Variants in SHLD1 observed in about 807,000 individuals in gnomAD.
SHLD1 encodes the protein RINN1-REV7-interacting novel NHEJ regulator 3.
In SHLD1, 3 loss-of-function variants were observed where a neutral mutation model predicts 5.5. That is an observed-to-expected ratio of 0.54 (90% CI 0.25 to 1.40). The LOEUF (loss-of-function observed/expected upper bound fraction) is 1.40. SHLD1 is among the 40% of genes most tolerant of loss of function. The probability of loss-of-function intolerance (pLI) is 0.15; values close to 1 mark genes in which losing one functional copy is unlikely to be tolerated. For missense variants in SHLD1, 210 were observed against 244.4 expected, an observed-to-expected ratio of 0.86 and a Z score of 0.94; for synonymous variants, 92 against 94.3, an observed-to-expected ratio of 0.98 and a Z score of 0.14.
chr20:5,780,537 G>C (rs757651336), intron 2 of SHLD1, among the ~76,000 whole-genome samples: 2 of 152,180 alleles, frequency 1.3e-5, no homozygotes, highest in Non-Finnish European at 1.5e-5. Flanking sequence ...ACCCCTGGAA[G>C]AGTAGTAGGC....
chr20:5,773,831 A>G (rs906465400), intron 2 of SHLD1, among the ~76,000 whole-genome samples: 3 of 152,092 alleles, frequency 2.0e-5, no homozygotes, highest in African/African-American at 7.2e-5. Flanking sequence ...GGTTTAGCTT[A>G]AGGTAAACCT....
chr20:5,844,388 G>C (rs6053737), intron 2 of SHLD1, among the ~76,000 whole-genome samples: 7 of 152,122 alleles, frequency 4.6e-5, no homozygotes, highest in African/African-American at 1.4e-4. Context: ...GCCACCATCA[G>C]GCTCTCTGGA....
At chr20:5,834,716 T>C (rs73596856) in intron 2 of SHLD1, among the ~76,000 whole-genome samples, 2,715 of 152,312 alleles carry the variant, frequency 0.018, 106 homozygotes, top group African/African-American at 0.062. Context: ...TTTGGGCTTC[T>C]ATAACAAAAT....
chr20:5,829,086 A>G (rs2087698760), intron 2 of SHLD1, among the ~76,000 whole-genome samples: 1 of 127,004 alleles, frequency 7.9e-6, no homozygotes, highest in Admixed American at 8.0e-5. Context: ...TATGTTGCCC[A>G]GGCTGGTCTC....
At chr20:5,826,926 C>CCA (rs1035618422) in intron 2 of SHLD1, among the ~76,000 whole-genome samples, 1 of 150,520 alleles carries the variant, frequency 6.6e-6, no homozygotes, top group Non-Finnish European at 1.5e-5. Context: ...CACCACATCA[C>CCA]CACCTACCAT....
chr20:5,750,303 G>A (rs754386792), upstream of SHLD1: 1 of 152,090 alleles, frequency 6.6e-6, no homozygotes. Context: ...GGCCGCGACC[G>A]GCTTCCATTG....
At chr20:5,811,847 CTG>C (rs1019178826) in intron 2 of SHLD1, among the ~76,000 whole-genome samples, 3 of 142,244 alleles carry the variant, frequency 2.1e-5, no homozygotes, top group Non-Finnish European at 4.7e-5. Flanking sequence ...CAATGTGAAA[CTG>C]TGTCTCTGAA....
chr20:5,846,618 GT>G (rs2087935770), intron 2 of SHLD1, among the ~76,000 whole-genome samples: 1 of 152,202 alleles, frequency 6.6e-6, no homozygotes, highest in Non-Finnish European at 1.5e-5. Context: ...TGTTTTAAGT[GT>G]TTCAGTGAAG....
intron 2 of SHLD1, among the ~76,000 whole-genome samples, chr20:5,812,232 CA>C (rs2087469383): frequency 6.6e-6 from 1 of 151,918 alleles, no homozygotes; most frequent in Non-Finnish European, 1.5e-5. Context: ...GACCTAATCC[CA>C]AAATAAAGAT....
intron 2 of SHLD1, among the ~76,000 whole-genome samples, chr20:5,809,688 T>C (rs2087432037): frequency 6.6e-6 from 1 of 152,082 alleles, no homozygotes. Context: ...CGTTGCCCCG[T>C]GCTGCCACCA....
At chr20:5,844,833 C>T (rs147465924) in intron 2 of SHLD1, among the ~76,000 whole-genome samples, 6,206 of 137,112 alleles carry the variant, frequency 0.045, 205 homozygotes, top group Middle Eastern at 0.072. Context: ...CTCACTCTGT[C>T]GCCTAGGCTG....
At chr20:5,786,760 T>G (rs1321230367) in intron 2 of SHLD1, among the ~76,000 whole-genome samples, 2 of 152,160 alleles carry the variant, frequency 1.3e-5, no homozygotes, top group Admixed American at 1.3e-4. Flanking sequence ...CTATTAACAT[T>G]AGATCTTACC....
intron 2 of SHLD1, among the ~76,000 whole-genome samples, chr20:5,797,844 C>G (rs1241889937): frequency 6.6e-6 from 1 of 152,184 alleles, no homozygotes; most frequent in Non-Finnish European, 1.5e-5. Flanking sequence ...TCACTATTTC[C>G]TGGGCTACTG....
chr20:5,750,509 GGA>G (rs1983678988), intron 1 of SHLD1, 30 bp downstream of exon 1: 1 of 135,558 alleles, frequency 7.4e-6, no homozygotes, highest in African/African-American at 2.9e-5. Context: ...GGGGGGGGTT[GGA>G]GTGGTGGGGG....
At chr20:5,845,211 G>A (rs563078693) in intron 2 of SHLD1, among the ~76,000 whole-genome samples, 1 of 152,282 alleles carries the variant, frequency 6.6e-6, no homozygotes, top group East Asian at 1.9e-4. Context: ...TGTTACTAAG[G>A]TACTAATTAT....
At chr20:5,803,652 C>T (rs967238145) in intron 2 of SHLD1, among the ~76,000 whole-genome samples, 1 of 151,848 alleles carries the variant, frequency 6.6e-6, no homozygotes, top group African/African-American at 2.4e-5. Flanking sequence ...AGGCAGATCA[C>T]AAGGTCAAGA....
Position 5,806,826 on chromosome 20 carries a change from G to A in SHLD1, c.178+33783G>A, listed in dbSNP as rs1241456870. Reference sequence around the variant, plus strand: ...ACCCAAGGGATGTGAACAGAGTGGTGGCAGTGATGGTTGCCAGCCCTCTGT... The same window carrying A: ...ACCCAAGGGATGTGAACAGAGTGGTAGCAGTGATGGTTGCCAGCCCTCTGT... On this transcript the variant is annotated intron_variant, in intron 2 of 2. Coordinates refer to ENST00000303142, the MANE Select transcript of SHLD1 (RefSeq NM_152504.4). The surrounding 1 kb of genome is among the most constrained non-coding windows in gnomAD (Gnocchi z 7.6). 1.3e-5 allele frequency among the ~76,000 whole-genome samples: 2 copies of A among 152,238 alleles called. No homozygotes were observed. Among genetic ancestry groups the A allele is most frequent in the Non-Finnish European group, 2.9e-5 (2 of 68,046 alleles).
intron 2 of SHLD1, among the ~76,000 whole-genome samples, chr20:5,857,258 G>A (rs763611663): frequency 2.4e-4 from 36 of 152,198 alleles, no homozygotes; most frequent in South Asian, 4.2e-4. Context: ...CACCACACCC[G>A]GCCAAATTAA....
chr20:5,845,772 G>A (rs768972071), intron 2 of SHLD1, among the ~76,000 whole-genome samples: 3 of 152,106 alleles, frequency 2.0e-5, no homozygotes, highest in African/African-American at 7.2e-5. Context: ...GTCCCCTGAG[G>A]ATGGAGATTT....
Sources: allele counts gnomAD v4.1 joint callset (sites outside exome capture counted in the v4.1 genomes callset), GRCh38; gene constraint gnomAD v4.1.1; non-coding constraint Gnocchi (gnomAD v3.1); transcripts MANE v1.5; gene names NCBI Gene and HGNC (gene_info 2026-07-23, HGNC 2026-07-21).